The following NETO2 variants were observed in gnomAD, a reference collection of about 807,000 sequenced individuals.
The protein encoded by NETO2 is neuropilin and tolloid like 2.
Under a neutral mutation model 62.5 loss-of-function variants are expected in NETO2, and 28 were observed. The ratio of observed to expected loss-of-function variants is 0.45; its 90% CI spans 0.33 to 0.61. NETO2 has a LOEUF of 0.61. Among genes scored for constraint, NETO2 ranks in the 20% least tolerant of loss-of-function variants. The probability of loss-of-function intolerance (pLI) is 0.02; values close to 1 mark genes in which losing one functional copy is unlikely to be tolerated. For missense variants in NETO2, 548 were observed against 643.2 expected (o/e 0.85, Z 1.60); for synonymous variants, 214 against 219.1 (o/e 0.98, Z 0.21).
intron 8 of NETO2, among the ~76,000 whole-genome samples, chr16:47,084,232 C>T (rs191046894): frequency 6.6e-6 from 1 of 152,168 alleles, no homozygotes; most frequent in Non-Finnish European, 1.5e-5. Flanking sequence ...ACTAACCCAT[C>T]CAGTATATTA....
At chr16:47,109,956 T>C (rs1334131665) in intron 6 of NETO2, among the ~76,000 whole-genome samples, 1 of 152,170 alleles carries the variant, frequency 6.6e-6, no homozygotes, top group African/African-American at 2.4e-5. Context: ...AGTAGAAACT[T>C]TTTGCTCACA....
rs115230848 is a variant in NETO2, at chr16:47,088,453, G to A, written c.884-2114C>T. 7.1e-3 allele frequency among the ~76,000 whole-genome samples: 1,081 copies of A among 152,298 alleles called. 14 individuals carry two copies. Among genetic ancestry groups the A allele is most frequent in the African/African-American group, 0.025 (1,036 of 41,562 alleles). On this transcript the variant is annotated intron_variant, in intron 7 of 8. Transcript: ENST00000562435. Reference sequence around the variant, plus strand: ...TTCTAAAATTATAATTGGACAAAATGTATTTCCTGCCTAAAAGATTCTGTA... The same window carrying A: ...TTCTAAAATTATAATTGGACAAAATATATTTCCTGCCTAAAAGATTCTGTA...
At position 47,083,329 on chromosome 16, in the gene NETO2, C is replaced by T. The variant is rs761221648; in HGVS notation, c.1470G>A (p.Glu490=). 1.9e-6 allele frequency: 3 copies of T among 1,614,066 alleles called. No homozygotes were observed. Among genetic ancestry groups the T allele is most frequent in the African/African-American group, 2.7e-5 (2 of 74,928 alleles). Residue 490 remains glutamate, a synonymous_variant, in exon 9 of 9, where the codon GAG becomes GAA. Coordinates refer to ENST00000562435, the MANE Select transcript of NETO2 (RefSeq NM_018092.5). ...KSSYTFKQGH[E]CPEQALEDRV... ...GGTCTTCCAGGGCCTGCTCAGGGCA[C>T]TCATGTCCCTGTTTGAAAGTGTAAC...
At chr16:47,141,199 T>C (rs1964455632) in intron 1 of NETO2, among the ~76,000 whole-genome samples, 1 of 152,236 alleles carries the variant, frequency 6.6e-6, no homozygotes, top group South Asian at 2.1e-4. Flanking sequence ...TTATGGCTGA[T>C]TTATTTTAGT....
At chr16:47,109,059 T>C (rs1305752013) in intron 7 of NETO2, among the ~76,000 whole-genome samples, 4 of 152,234 alleles carry the variant, frequency 2.6e-5, no homozygotes, top group African/African-American at 7.2e-5. Flanking sequence ...TACACCTTTA[T>C]AATGAGTGTT....
intron 2 of NETO2, 70 bp from the exon 3 acceptor site, chr16:47,129,434 C>CT: frequency 6.6e-7 from 1 of 1,513,248 alleles, no homozygotes; most frequent in East Asian, 2.3e-5. Flanking sequence ...TCCCCCACCA[C>CT]TTTCCAAACG....
In NETO2 at chr16:47,128,348, C is replaced by G. The variant is rs570422652; in HGVS notation, c.458G>C (p.Arg153Pro). ...SDEELEGLGF[R>P]AKYSFIPDPD... ...ACCTGGAATAAATGAATATTTTGCT[C>G]GAAATCCCAGTCCTTCAAGCTCTTC... Residue 153 changes from arginine to proline, a missense_variant, in exon 4 of 9, where the codon CGA becomes CCA. Physicochemically the swap from Arg to Pro is moderately radical, Grantham distance 103. Transcript: ENST00000562435. 1.2e-6 allele frequency: 2 copies of G among 1,613,280 alleles called. No homozygotes were observed. Among genetic ancestry groups the G allele is most frequent in the Non-Finnish European group, 1.7e-6 (2 of 1,179,708 alleles).
intron 6 of NETO2, among the ~76,000 whole-genome samples, chr16:47,116,552 A>G (rs1963926094): frequency 6.6e-6 from 1 of 152,082 alleles, no homozygotes; most frequent in African/African-American, 2.4e-5. Flanking sequence ...TTTTGCATCT[A>G]TTTTCTTGAC....
intron 2 of NETO2, 68 bp from the exon 3 acceptor site, chr16:47,129,432 C>A: frequency 6.5e-7 from 1 of 1,529,948 alleles, no homozygotes; most frequent in South Asian, 1.1e-5. Flanking sequence ...TTTCCCCCAC[C>A]ACTTTCCAAA....
At chr16:47,115,718 T>TATATATATACATGTATATATATATAC (rs1473854913) in intron 6 of NETO2, among the ~76,000 whole-genome samples, 11 of 133,448 alleles carry the variant, frequency 8.2e-5, no homozygotes, top group African/African-American at 3.5e-4. Flanking sequence ...TATATACATA[T>TATATATATACATGTATATATATATAC]ATATATATAT....
rs866050782 is a variant in NETO2, at chr16:47,143,800, G to T, written c.-188C>A. 1 of 792,888 alleles carries T rather than the reference G, an allele frequency of 1.3e-6. No individual in the cohort carries two copies. Among genetic ancestry groups the T allele is most frequent in the East Asian group, 4.0e-5 (1 of 25,264 alleles). The allele number at this position is 792,888 out of a possible 1,614,324, so 49.1% of individuals were successfully genotyped here. A position where few individuals can be genotyped will look rare whatever the true frequency, so the allele number is the denominator to read the frequency against. Reference sequence around the variant, plus strand: ...TGCCCGAGCCCCACAGTGGGCTCCCGCGCGGCCCGAGCACCCCGACGGGCG... The same window carrying T: ...TGCCCGAGCCCCACAGTGGGCTCCCTCGCGGCCCGAGCACCCCGACGGGCG... On this transcript the variant is annotated 5_prime_UTR_variant, in exon 1 of 9. Transcript: ENST00000562435.
intron 3 of NETO2, 37 bp from the exon 4 acceptor site, chr16:47,128,610 A>G: frequency 6.3e-7 from 1 of 1,589,768 alleles, no homozygotes; most frequent in Non-Finnish European, 8.5e-7. Flanking sequence ...GACAACACAA[A>G]CAAGAAAGAA....
At chr16:47,129,193 A>C (rs745654084) in intron 3 of NETO2, 31 bp downstream of exon 3, 1 of 1,604,312 alleles carries the variant, frequency 6.2e-7, no homozygotes, top group African/African-American at 1.3e-5. Context: ...TAAAGTAAAA[A>C]TTCATCCAAT....
Position 47,079,243 on chromosome 16 carries a change from T to C in NETO2, c.*3978A>G, listed in dbSNP as rs973333987. 8 of 149,504 alleles carry C rather than the reference T, an allele frequency of 5.4e-5. No individual in the cohort carries two copies. The highest frequency in any genetic ancestry group is 2.0e-4 in the African/African-American group (8 of 40,442). 9.3% of individuals were successfully genotyped at this position (149,504 alleles called of 1,614,324 possible). On this transcript the variant is annotated 3_prime_UTR_variant, in exon 9 of 9. Transcript: ENST00000562435. ...TTGCAGTGAGCCGAGATCACGCCACTGCACTCTAGCCTGGGTGACAGAGCG... is the reference window on the plus strand; with the variant it reads ...TTGCAGTGAGCCGAGATCACGCCACCGCACTCTAGCCTGGGTGACAGAGCG...
intron 4 of NETO2, 107 bp from the exon 5 acceptor site, chr16:47,123,019 T>G (rs1364109837): frequency 9.4e-7 from 1 of 1,068,566 alleles, no homozygotes; most frequent in Non-Finnish European, 1.4e-6. Context: ...TAAGAGAAGC[T>G]TTCATTGGTG....
chr16:47,099,217 C>T (rs771309287), intron 7 of NETO2, among the ~76,000 whole-genome samples: 18 of 152,118 alleles, frequency 1.2e-4, no homozygotes, highest in East Asian at 3.9e-4. Flanking sequence ...AACTAAGCTT[C>T]GTAAGTGAAG....
chr16:47,106,484 A>G (rs1232972044), intron 7 of NETO2, among the ~76,000 whole-genome samples: 1 of 152,182 alleles, frequency 6.6e-6, no homozygotes, highest in African/African-American at 2.4e-5. Flanking sequence ...AGTTGAAAAA[A>G]AAAGCTACAA....
At chr16:47,101,127 G>A (rs924016244) in intron 7 of NETO2, among the ~76,000 whole-genome samples, 1 of 152,060 alleles carries the variant, frequency 6.6e-6, no homozygotes, top group Non-Finnish European at 1.5e-5. Flanking sequence ...TTCATCCCTC[G>A]GATGCAAGGC....
intron 7 of NETO2, among the ~76,000 whole-genome samples, chr16:47,094,888 T>C (rs1316570804): frequency 6.6e-6 from 1 of 152,074 alleles, no homozygotes; most frequent in Admixed American, 6.5e-5. Context: ...GTATTGTTAG[T>C]AGAGATGGGG....
Sources: allele counts gnomAD v4.1 joint callset (sites outside exome capture counted in the v4.1 genomes callset), GRCh38; gene constraint gnomAD v4.1.1; transcripts MANE v1.5; gene names NCBI Gene and HGNC (gene_info 2026-07-23, HGNC 2026-07-21).